Variants in FAM81A observed in about 807,000 individuals in gnomAD.
FAM81A encodes the protein family with sequence similarity 81 member A, also known as protein FAM81A.
Under a neutral mutation model 46.7 loss-of-function variants are expected in FAM81A, and 19 were observed. The observed-to-expected ratio is 0.41, with a 90% CI of 0.28 to 0.60. The LOEUF (loss-of-function observed/expected upper bound fraction) is 0.60, where lower values mean the gene tolerates loss of function less well. Ranked by LOEUF, FAM81A falls within the 20% of genes least tolerant of loss-of-function variation. FAM81A has a pLI of 0.34. For synonymous variants in FAM81A, 183 were observed against 152.9 expected, an observed-to-expected ratio of 1.20 and a Z score of -1.45; for missense variants, 377 against 453.5, an observed-to-expected ratio of 0.83 and a Z score of 1.53.
Position 59,423,350 on chromosome 15 carries a change from G to A in FAM81A, c.-78+20992G>A, listed in dbSNP as rs530953761. Among the ~76,000 whole-genome samples, 7 of 152,024 alleles carry A rather than the reference G, an allele frequency of 4.6e-5. No individual in the cohort carries two copies. The East Asian group carries it at 1.4e-3, about 29-fold the overall frequency. ...CCTCACCTCGTGATCCGCCTGCCTC[G>A]GCCTCCCAAAGTGCTGGGATTACAG... On this transcript the variant is annotated intron_variant, in intron 2 of 4. Coordinates refer to the FAM81A transcript ENST00000558348.
At chr15:59,413,466 AC>A (rs1245108972) in intron 2 of FAM81A, among the ~76,000 whole-genome samples, 1 of 150,324 alleles carries the variant, frequency 6.7e-6, no homozygotes, top group Non-Finnish European at 1.5e-5. Context: ...ACACACAACC[AC>A]CCACCCTATA....
At chr15:59,496,440 A>G (rs1481395063) in intron 4 of FAM81A, among the ~76,000 whole-genome samples, 1 of 152,110 alleles carries the variant, frequency 6.6e-6, no homozygotes, top group African/African-American at 2.4e-5. Context: ...CCCCGTCTCT[A>G]CTAAAAATAC....
At chr15:59,474,560 A>T (rs1267771514) in intron 3 of FAM81A, among the ~76,000 whole-genome samples, 1 of 152,180 alleles carries the variant, frequency 6.6e-6, no homozygotes, top group Non-Finnish European at 1.5e-5. Flanking sequence ...CACCTCCTGA[A>T]ATACCACGCC....
In FAM81A at chr15:59,455,222, C is replaced by G. The variant is rs1441221847; in HGVS notation, c.-77-3328C>G. On this transcript the variant is annotated intron_variant, in intron 1 of 8. Coordinates refer to ENST00000288228, the MANE Select transcript of FAM81A (RefSeq NM_152450.3). The stretch of plus-strand genomic sequence containing the variant: ...AGAGTTTATTTTTTCTTACTTCTTT[C>G]CATTCTTTTCTTCTTGCTTTACCTA... 4.6e-5 allele frequency among the ~76,000 whole-genome samples: 7 copies of G among 152,074 alleles called. No individual in the cohort carries two copies. In the East Asian group the frequency reaches 1.3e-3, roughly 29 times the overall value.
chr15:59,494,984 G>GTT (rs1319087978), intron 4 of FAM81A, among the ~76,000 whole-genome samples: 19 of 152,246 alleles, frequency 1.2e-4, no homozygotes, highest in African/African-American at 4.6e-4. Context: ...GATCAGACCT[G>GTT]AAGGCCCGAT....
At position 59,445,776 on chromosome 15, in the gene FAM81A, G is replaced by A. The variant is rs149201559; in HGVS notation, c.-78+7494G>A. Among the ~76,000 whole-genome samples the A allele has an allele frequency of 1.0e-3, 152 of 152,270 alleles. 3 individuals are homozygous for A. The highest frequency in any genetic ancestry group is 3.4e-3 in the African/African-American group (142 of 41,554). ...TTTAGTAGGTAGAGAGTTTACATGG[G>A]CTTTTAATAATATTTTTTCTCTTCT... is the stretch of plus-strand genomic sequence containing the variant. On this transcript the variant is annotated intron_variant, in intron 1 of 8. Transcript: ENST00000288228.
chr15:59,402,706 A>ATT (rs34870600), intron 2 of FAM81A, among the ~76,000 whole-genome samples: 3 of 76,236 alleles, frequency 3.9e-5, no homozygotes, highest in South Asian at 4.1e-4. Flanking sequence ...AAGCCTGGAT[A>ATT]TTTTTTTGGG....
At chr15:59,458,718 C>G in intron 2 of FAM81A, 72 bp downstream of exon 2, 2 of 1,415,612 alleles carry the variant, frequency 1.4e-6, no homozygotes, top group Non-Finnish European at 2.0e-6. Flanking sequence ...AAAGCTTGGG[C>G]TGTTACATTA....
chr15:59,497,128 A>AAAG (rs367828817), intron 4 of FAM81A, among the ~76,000 whole-genome samples: 5,816 of 149,180 alleles, frequency 0.039, 132 homozygotes, highest in African/African-American at 0.055. Context: ...CAAATTTAAA[A>AAAG]AAGAAGAAGA....
chr15:59,450,106 T>TTTC (rs2081401265), intron 1 of FAM81A, among the ~76,000 whole-genome samples: 1 of 146,816 alleles, frequency 6.8e-6, no homozygotes, highest in Admixed American at 6.7e-5. Context: ...TTTCTTTCTT[T>TTTC]TTTTTTTTTT....
chr15:59,443,250 C>CT (rs1176883416), intron 1 of FAM81A, among the ~76,000 whole-genome samples: 2 of 152,076 alleles, frequency 1.3e-5, no homozygotes, highest in Non-Finnish European at 2.9e-5. Flanking sequence ...GCCTGGCTAA[C>CT]TTTTGTAATT....
intron 2 of FAM81A, among the ~76,000 whole-genome samples, chr15:59,425,693 A>G (rs1364124845): frequency 6.6e-6 from 1 of 152,176 alleles, no homozygotes; most frequent in South Asian, 2.1e-4. Flanking sequence ...TGGCATGATC[A>G]TAGCTCACTG....
intron 1 of FAM81A, among the ~76,000 whole-genome samples, chr15:59,445,858 G>T (rs937385599): frequency 2.6e-5 from 4 of 152,184 alleles, no homozygotes; most frequent in Admixed American, 6.5e-5. Context: ...CTTTTCTAAT[G>T]CTAGAAAGAA....
At chr15:59,497,561 A>G (rs1180768082) in intron 4 of FAM81A, among the ~76,000 whole-genome samples, 2 of 152,196 alleles carry the variant, frequency 1.3e-5, no homozygotes, top group African/African-American at 4.8e-5. Context: ...CATTTTAAAA[A>G]TATTAAGTCT....
chr15:59,401,238 A>T (rs540558571), intron 1 of FAM81A: 2 of 1,041,154 alleles, frequency 1.9e-6, no homozygotes, highest in Non-Finnish European at 3.0e-6. Context: ...GTAAGACTGC[A>T]TTTATGCATC....
At chr15:59,406,076 A>T (rs2081093042) in intron 2 of FAM81A, among the ~76,000 whole-genome samples, 1 of 152,192 alleles carries the variant, frequency 6.6e-6, no homozygotes, top group African/African-American at 2.4e-5. Context: ...CGAAGACTGG[A>T]AATGTGAAAC....
intron 4 of FAM81A, among the ~76,000 whole-genome samples, chr15:59,500,591 C>T (rs2082080961): frequency 6.6e-6 from 1 of 152,106 alleles, no homozygotes; most frequent in South Asian, 2.1e-4. Flanking sequence ...TGTAAGCCAC[C>T]ATGCCTGGCA....
At chr15:59,466,232 T>G (rs530930245) in intron 3 of FAM81A, among the ~76,000 whole-genome samples, 3 of 152,322 alleles carry the variant, frequency 2.0e-5, no homozygotes, top group Middle Eastern at 3.4e-3. Context: ...GTAATGGGAT[T>G]GCTGGGTCAA....
chr15:59,506,287 G>A (rs544141137), intron 4 of FAM81A, among the ~76,000 whole-genome samples: 1 of 152,212 alleles, frequency 6.6e-6, no homozygotes, highest in East Asian at 1.9e-4. Flanking sequence ...CCAAGCAGCA[G>A]GAGGGAGAAG....
Sources: allele counts gnomAD v4.1 joint callset (sites outside exome capture counted in the v4.1 genomes callset), GRCh38; gene constraint gnomAD v4.1.1; transcripts MANE v1.5; gene names NCBI Gene and HGNC (gene_info 2026-07-23, HGNC 2026-07-21).